DIDO1: variants seen among roughly 807,000 people sequenced by gnomAD.
DIDO1 encodes the protein death-inducer obliterator 1.
A neutral mutation model predicts 99.4 loss-of-function variants in DIDO1; 16 were observed. The observed-to-expected ratio is 0.16, with a 90% confidence interval of 0.11 to 0.24. The LOEUF is 0.24. DIDO1 is among the 10% of genes least tolerant of loss of function. The pLI, the probability that DIDO1 is intolerant of heterozygous loss-of-function variation, is 1.00. For missense variants in DIDO1, 2,996 were observed against 3,014.0 expected (o/e 0.99, Z 0.14); for synonymous variants, 1,366 against 1,239.1 (o/e 1.10, Z -2.15).
intron 6 of DIDO1, among the ~76,000 whole-genome samples, chr20:62,904,214 T>TA (rs1192763814): frequency 9.9e-6 from 1 of 101,452 alleles, no homozygotes; most frequent in East Asian, 3.2e-4. Flanking sequence ...GCATTAAAAA[T>TA]CCCTCTCTGC....
Position 62,880,055 on chromosome 20 carries a change from G to C in DIDO1, c.5901C>G (p.Phe1967Leu), listed in dbSNP as rs1490214330. The change falls in exon 16 of 16, where the codon TTC becomes TTG. Residue 1967 changes from phenylalanine to leucine, a missense_variant. By Grantham distance (22) the Phe-to-Leu change is conservative. Transcript: ENST00000395343. ...PGPRGIQPQQ[F>L]EDQRVHSPPR... Reference sequence around the variant, plus strand: ...GTGGTGAATGGACCCTCTGGTCTTCGAACTGCTGAGGCTGAATGCCCCTGG... The same window carrying C: ...GTGGTGAATGGACCCTCTGGTCTTCCAACTGCTGAGGCTGAATGCCCCTGG... The C allele has an allele frequency of 1.9e-6, 3 of 1,611,312 alleles. No individual in the cohort carries two copies. The highest frequency in any genetic ancestry group is 1.7e-6 in the Non-Finnish European group (2 of 1,179,988).
At position 62,881,043 on chromosome 20, in the gene DIDO1, GGCTCTGC is replaced by G. The variant is rs766026246; in HGVS notation, c.4906_4912del (p.Ala1636LeufsTer226). Reference sequence around the variant, plus strand: ...CGTGGCGGGGCGGGTGCCCTCCCCAGGCTCTGCCTTCCAGCCGTCCTGCTCGGACCCC... The same window carrying G: ...CGTGGCGGGGCGGGTGCCCTCCCCAGCTTCCAGCCGTCCTGCTCGGACCCC... On this transcript the variant is annotated frameshift_variant, in exon 16 of 16. Coordinates refer to ENST00000395343, the MANE Select transcript of DIDO1 (RefSeq NM_001193369.2). LOFTEE classifies it low-confidence loss of function (END_TRUNC). The surrounding 1 kb of genome is among the most constrained non-coding windows in gnomAD (Gnocchi z 8.3). 2 of 1,604,396 alleles carry G rather than the reference GGCTCTGC, an allele frequency of 1.2e-6. No homozygotes were observed. The highest frequency in any genetic ancestry group is 1.7e-6 in the Non-Finnish European group (2 of 1,178,088).
At chr20:62,908,791 C>G (rs1048355123) in intron 4 of DIDO1, among the ~76,000 whole-genome samples, 2 of 152,122 alleles carry the variant, frequency 1.3e-5, no homozygotes, top group Admixed American at 1.3e-4. Context: ...CCCAGGAGAT[C>G]GAGGCTGCAG....
chr20:62,880,406 C>A lies in DIDO1; in HGVS notation c.5550G>T (p.Gly1850=), dbSNP rs780529998. 8.1e-6 allele frequency: 13 copies of A among 1,612,894 alleles called. No homozygotes were observed. Among genetic ancestry groups the A allele is most frequent in the South Asian group, 2.2e-5 (2 of 91,084 alleles). The change falls in exon 16 of 16, where the codon GGG becomes GGT. Residue 1850 remains glycine, a synonymous_variant. Transcript: ENST00000395343. Reference sequence around the variant, plus strand: ...GGGCGTCCTGGAACTCCCTCTTCTCCCCATGGGGATCCTTGCGTTCTTCAA... The same window carrying A: ...GGGCGTCCTGGAACTCCCTCTTCTCACCATGGGGATCCTTGCGTTCTTCAA... The part of the protein sequence containing the change: ...SQFEERKDPH[G]EKREFQDAPY...
At chr20:62,907,060 C>A (rs1568863800) in intron 5 of DIDO1, 87 bp downstream of exon 5, 5 of 1,424,122 alleles carry the variant, frequency 3.5e-6, no homozygotes, top group South Asian at 1.2e-5. Context: ...CTGCCACCCC[C>A]ACACGGTCTA....
chr20:62,892,713 ACCT>A, intron 13 of DIDO1, 93 bp downstream of exon 13: 1 of 1,451,790 alleles, frequency 6.9e-7, no homozygotes, highest in Non-Finnish European at 9.2e-7. Context: ...TTTCTCTCCT[ACCT>A]CATGAATTAA....
chr20:62,910,923 C>T lies in DIDO1; in HGVS notation c.690G>A (p.Gly230=), dbSNP rs1600998427. Residue 230 remains glycine (G), a synonymous_variant, in exon 3 of 16, where the codon GGG becomes GGA. Transcript: ENST00000395343. ...ENDQGVVSQA[G]KDDRESKLEG... ...CCAACTTACTCTCTCTGTCATCTTT[C>T]CCAGCCTGGGACACAACCCCCTGAT... 6.2e-7 allele frequency: 1 copy of T among 1,614,162 alleles called. No individual in the cohort carries two copies. Among genetic ancestry groups the T allele is most frequent in the South Asian group, 1.1e-5 (1 of 91,074 alleles).
upstream of DIDO1, chr20:62,929,165 T>A (rs2065297421): frequency 6.6e-6 from 1 of 152,256 alleles, no homozygotes; most frequent in Non-Finnish European, 1.5e-5. Context: ...CGCACAGTTC[T>A]CTCGGCAGAG....
chr20:62,934,300 G>A (rs1376615720), intron 1 of DIDO1, among the ~76,000 whole-genome samples: 1 of 152,122 alleles, frequency 6.6e-6, no homozygotes. Context: ...CCTGGCTGTA[G>A]TTGCCTTTAT....
At chr20:62,933,761 C>T (rs961035417) in intron 1 of DIDO1, among the ~76,000 whole-genome samples, 10 of 152,110 alleles carry the variant, frequency 6.6e-5, no homozygotes, top group Admixed American at 5.9e-4. Context: ...GTCCCAGCTA[C>T]TCAAGAGGCT....
At chr20:62,908,162 T>G (rs1253171323) in intron 4 of DIDO1, among the ~76,000 whole-genome samples, 2 of 152,052 alleles carry the variant, frequency 1.3e-5, no homozygotes, top group Non-Finnish European at 2.9e-5. Flanking sequence ...TATTTTTTTG[T>G]AGAGATGGGG....
intron 15 of DIDO1, chr20:62,890,634 G>A (rs2064377320): frequency 7.5e-6 from 9 of 1,207,518 alleles, no homozygotes; most frequent in African/African-American, 1.5e-5. Context: ...GCCGCTGGGA[G>A]TGTCACCTCC....
At chr20:62,885,276 G>T (rs1306572158) in intron 15 of DIDO1, among the ~76,000 whole-genome samples, 1 of 152,122 alleles carries the variant, frequency 6.6e-6, no homozygotes, top group African/African-American at 2.4e-5. Context: ...GGCTTGTGGG[G>T]CCTCGTGTGG....
chr20:62,880,090 TAA>T lies in DIDO1; in HGVS notation c.5864_5865del (p.Phe1955TyrfsTer45). On this transcript the variant is annotated frameshift_variant, in exon 16 of 16. Coordinates refer to ENST00000395343, the MANE Select transcript of DIDO1 (RefSeq NM_001193369.2). LOFTEE classifies it low-confidence loss of function (END_TRUNC). ...GGCTGAATGCCCCTGGGACCTGGCA[TAA>T]AGTTAGGCGCTTGGCCTCTGGGTCC... Reference protein sequence around the residue: ...FEGPRGQAPNFMPGPRGIQPQ... With the variant: ...FEGPRGQAPNXMPGPRGIQPQ... The T allele has an allele frequency of 6.2e-7, 1 of 1,612,328 alleles. No individual in the cohort carries two copies. The highest frequency in any genetic ancestry group is 8.5e-7 in the Non-Finnish European group (1 of 1,179,988).
rs1435515567 is a variant in DIDO1, at chr20:62,896,449, G to C, written c.2055-57C>G. ...GACACTTGTGTATATTAAACTTTTTGAACAGTGAGGCAATCCTGCAGCCAC... is the reference window on the plus strand; with the variant it reads ...GACACTTGTGTATATTAAACTTTTTCAACAGTGAGGCAATCCTGCAGCCAC... On this transcript the variant is annotated intron_variant, in intron 7 of 15. Coordinates refer to ENST00000395343, the MANE Select transcript of DIDO1 (RefSeq NM_001193369.2). The surrounding 1 kb of genome is among the most constrained non-coding windows in gnomAD (Gnocchi z 4.4). 8.2e-6 allele frequency: 13 copies of C among 1,590,098 alleles called. No homozygotes were observed. The South Asian group carries it at 1.4e-4, about 17-fold the overall frequency.
At chr20:62,922,483 C>G (rs2065174182) in intron 1 of DIDO1, among the ~76,000 whole-genome samples, 1 of 152,064 alleles carries the variant, frequency 6.6e-6, no homozygotes, top group Non-Finnish European at 1.5e-5. Flanking sequence ...GGGTTCAACC[C>G]CAGCTGCAAA....
chr20:62,900,337 C>T (rs2064639169), intron 6 of DIDO1, among the ~76,000 whole-genome samples: 1 of 152,382 alleles, frequency 6.6e-6, no homozygotes, highest in South Asian at 2.1e-4. Flanking sequence ...AGGTCGTCGT[C>T]GTGCACAGGG....
intron 6 of DIDO1, among the ~76,000 whole-genome samples, chr20:62,897,212 A>G (rs1373499431): frequency 6.6e-6 from 1 of 152,256 alleles, no homozygotes; most frequent in Non-Finnish European, 1.5e-5. Flanking sequence ...ATTTTATTTC[A>G]GAAAGAAGAA....
intron 1 of DIDO1, among the ~76,000 whole-genome samples, chr20:62,933,770 C>T (rs1019670858): frequency 6.6e-6 from 1 of 152,120 alleles, no homozygotes; most frequent in Non-Finnish European, 1.5e-5. Context: ...ACTCAAGAGG[C>T]TAACATGGGA....
Sources: allele counts gnomAD v4.1 joint callset (sites outside exome capture counted in the v4.1 genomes callset), GRCh38; gene constraint gnomAD v4.1.1; non-coding constraint Gnocchi (gnomAD v3.1); transcripts MANE v1.5; gene names NCBI Gene and HGNC (gene_info 2026-07-23, HGNC 2026-07-21).